SPTLC3: variants seen among roughly 807,000 people sequenced by gnomAD.
SPTLC3 encodes the protein serine palmitoyltransferase long chain base subunit 3.
SPTLC3 carries 36 observed loss-of-function variants against 59.3 expected under a neutral mutation model. The ratio of observed to expected loss-of-function variants is 0.61; its 90% CI spans 0.47 to 0.80. The LOEUF is 0.80. Among genes scored for constraint, SPTLC3 ranks in the 30% least tolerant of loss-of-function variants. The pLI, the probability that SPTLC3 is intolerant of heterozygous loss-of-function variation, is 0.00. For synonymous variants in SPTLC3, 257 were observed against 240.8 expected (o/e 1.07, Z -0.62); for missense variants, 625 against 685.1 (o/e 0.91, Z 0.98).
intron 11 of SPTLC3, chr20:13,164,298 G>A (rs1325372327): frequency 6.4e-6 from 3 of 469,040 alleles, no homozygotes; most frequent in Non-Finnish European, 1.3e-5. Flanking sequence ...GGGGTAGCAT[G>A]AGAGGACAGA....
intron 10 of SPTLC3, among the ~76,000 whole-genome samples, chr20:13,157,198 G>T (rs2038790645): frequency 6.6e-6 from 1 of 151,548 alleles, no homozygotes; most frequent in South Asian, 2.1e-4. Context: ...AACACTTTAG[G>T]AGGCTGAGGC....
chr20:13,014,742 G>A (rs1227719298), intron 1 of SPTLC3, among the ~76,000 whole-genome samples: 1 of 151,654 alleles, frequency 6.6e-6, no homozygotes, highest in African/African-American at 2.4e-5. Context: ...GACTTGTCGG[G>A]GACATCTGGG....
In SPTLC3 at chr20:13,142,555, A is replaced by T. The variant is rs557447338; in HGVS notation, c.1280-11448A>T. Among the ~76,000 whole-genome samples the T allele has an allele frequency of 2.0e-5, 3 of 152,098 alleles. No homozygotes were observed. The East Asian group carries it at 5.8e-4, about 29-fold the overall frequency. The stretch of plus-strand genomic sequence containing the variant: ...CAGTGTGTGGGTCTGGGCTAGAGAG[A>T]TTGTATTTGCTTTCTATTTCTACAT... On this transcript the variant is annotated intron_variant, in intron 9 of 11. Coordinates refer to ENST00000399002, the MANE Select transcript of SPTLC3 (RefSeq NM_018327.4).
At chr20:13,009,818 CCATGAGAAATG>C (rs1314612207) in intron 1 of SPTLC3, among the ~76,000 whole-genome samples, 1 of 152,142 alleles carries the variant, frequency 6.6e-6, no homozygotes, top group Non-Finnish European at 1.5e-5. Flanking sequence ...CTTCCCAGGT[CCATGAGAAATG>C]CATCACTGTT....
At chr20:13,092,146 G>A (rs900248180) in intron 5 of SPTLC3, among the ~76,000 whole-genome samples, 41 of 152,212 alleles carry the variant, frequency 2.7e-4, no homozygotes, top group African/African-American at 9.9e-4. Flanking sequence ...AGATAAATAA[G>A]TTGAATTATT....
intron 9 of SPTLC3, among the ~76,000 whole-genome samples, chr20:13,136,094 T>C (rs776210652): frequency 3.3e-5 from 5 of 152,194 alleles, no homozygotes; most frequent in Non-Finnish European, 4.4e-5. Flanking sequence ...ACTTAAATGA[T>C]AAATTTAGGA....
chr20:13,072,105 A>T (rs1169742593), intron 2 of SPTLC3, 151 bp from the exon 3 acceptor site: 4 of 778,990 alleles, frequency 5.1e-6, no homozygotes, highest in Non-Finnish European at 7.9e-6. Context: ...AGCCTCACAG[A>T]TTTACTTCCC....
chr20:13,113,525 A>G (rs1990361107), intron 7 of SPTLC3, among the ~76,000 whole-genome samples: 1 of 152,206 alleles, frequency 6.6e-6, no homozygotes, highest in Admixed American at 6.5e-5. Flanking sequence ...AAGTCAGACA[A>G]CTCCACAAAA....
chr20:13,027,764 A>C (rs1600214151), intron 1 of SPTLC3, among the ~76,000 whole-genome samples: 1 of 152,262 alleles, frequency 6.6e-6, no homozygotes, highest in South Asian at 2.1e-4. Context: ...AATCCATGCG[A>C]TTCTAAAAGC....
intron 1 of SPTLC3, among the ~76,000 whole-genome samples, chr20:13,028,873 A>G (rs550699420): frequency 6.6e-6 from 1 of 152,168 alleles, no homozygotes; most frequent in Non-Finnish European, 1.5e-5. Flanking sequence ...TTTACTGCTG[A>G]TGAAGCTATT....
chr20:13,085,295 C>T lies in SPTLC3; in HGVS notation c.608-5788C>T, dbSNP rs569536139. 9.9e-5 allele frequency among the ~76,000 whole-genome samples: 15 copies of T among 152,184 alleles called. No individual in the cohort carries two copies. In the South Asian group the frequency reaches 3.1e-3, roughly 32 times the overall value. ...ATATTGCTCCATAACCTCCATTAGA[C>T]TGGATGGAAGTGGATCAAAGAGGAC... is the stretch of plus-strand genomic sequence containing the variant. On this transcript the variant is annotated intron_variant, in intron 4 of 11. Coordinates refer to ENST00000399002, the MANE Select transcript of SPTLC3 (RefSeq NM_018327.4).
At chr20:13,123,440 C>T (rs1010858207) in intron 8 of SPTLC3, among the ~76,000 whole-genome samples, 2 of 152,104 alleles carry the variant, frequency 1.3e-5, no homozygotes, top group African/African-American at 4.8e-5. Context: ...TCATAAACTC[C>T]GAGGTAAGTA....
intron 8 of SPTLC3, among the ~76,000 whole-genome samples, chr20:13,119,429 T>C (rs1990776526): frequency 6.6e-6 from 1 of 152,204 alleles, no homozygotes; most frequent in Non-Finnish European, 1.5e-5. Context: ...TAGAGTATTT[T>C]TAAGATGTAG....
intron 7 of SPTLC3, among the ~76,000 whole-genome samples, chr20:13,111,327 A>C (rs1990221854): frequency 6.6e-6 from 1 of 152,130 alleles, no homozygotes; most frequent in Admixed American, 6.5e-5. Flanking sequence ...CTCTAGACAT[A>C]GTAGTTCTCC....
chr20:13,140,656 C>T (rs550457579), intron 9 of SPTLC3, among the ~76,000 whole-genome samples: 1 of 152,170 alleles, frequency 6.6e-6, no homozygotes, highest in African/African-American at 2.4e-5. Context: ...AAAAAAACAG[C>T]TCTAAAGCTT....
At chr20:13,136,009 T>C (rs1422608039) in intron 9 of SPTLC3, among the ~76,000 whole-genome samples, 1 of 152,230 alleles carries the variant, frequency 6.6e-6, no homozygotes, top group African/African-American at 2.4e-5. Context: ...AGAAAAGGTA[T>C]ACAGAATTTC....
At chr20:13,011,761 A>G (rs1001668977) in intron 1 of SPTLC3, among the ~76,000 whole-genome samples, 17 of 150,460 alleles carry the variant, frequency 1.1e-4, no homozygotes, top group Admixed American at 9.2e-4. Context: ...TAAACCTCAT[A>G]TGTCCTGAGA....
intron 8 of SPTLC3, among the ~76,000 whole-genome samples, chr20:13,126,313 A>AT (rs1007217046): frequency 1.3e-4 from 20 of 152,240 alleles, no homozygotes; most frequent in African/African-American, 4.8e-4. Flanking sequence ...TTCAGGAATC[A>AT]TTTTTTCTTC....
chr20:13,142,119 T>C (rs2038397994), intron 9 of SPTLC3, among the ~76,000 whole-genome samples: 1 of 152,226 alleles, frequency 6.6e-6, no homozygotes, highest in Non-Finnish European at 1.5e-5. Context: ...TAGCCAAGGG[T>C]AGACTTTTAT....
Sources: gnomAD v4.1 joint callset for allele counts (sites outside exome capture counted in the v4.1 genomes callset) on GRCh38, gnomAD v4.1.1 for gene constraint, MANE v1.5 for transcripts, NCBI Gene and HGNC (gene_info 2026-07-23, HGNC 2026-07-21) for gene names.